PLK4: variants seen among roughly 807,000 people sequenced by gnomAD.
PLK4 encodes serine/threonine-protein kinase PLK4.
In PLK4, 51 loss-of-function variants were observed where a neutral mutation model predicts 103.0. The ratio of observed to expected loss-of-function variants is 0.50; its 90% CI spans 0.40 to 0.63. PLK4 has a LOEUF of 0.63. Ranked by LOEUF, PLK4 falls within the 20% of genes least tolerant of loss-of-function variation. The probability of loss-of-function intolerance (pLI) is 0.00; values close to 1 mark genes in which losing one functional copy is unlikely to be tolerated. For synonymous variants in PLK4, 389 were observed against 376.8 expected (o/e 1.03, Z -0.38); for missense variants, 1,054 against 1,151.0 (o/e 0.92, Z 1.22).
At position 127,883,374 on chromosome 4, in the gene PLK4, G is replaced by T. The variant is rs1041105333; in HGVS notation, c.222+17G>T. The T allele has an allele frequency of 2.7e-6, 4 of 1,492,350 alleles. No homozygotes were observed. Among genetic ancestry groups the T allele is most frequent in the Non-Finnish European group, 3.7e-6 (4 of 1,074,196 alleles). The allele number at this position is 1,492,350 out of a possible 1,614,324, so 92.4% of individuals were successfully genotyped here. A position where few individuals can be genotyped will look rare whatever the true frequency, so the allele number is the denominator to read the frequency against. ...ATCTTGGAGGTAAGATATAAATTTT[G>T]TAGAAGTGACCAAGGACACTGAATT... is the stretch of plus-strand genomic sequence containing the variant. On this transcript the variant is annotated intron_variant, in intron 3 of 15. Transcript: ENST00000270861.
intron 7 of PLK4, 53 bp downstream of exon 7, chr4:127,890,289 A>G (rs1578761251): frequency 1.4e-6 from 2 of 1,412,776 alleles, no homozygotes; most frequent in South Asian, 2.8e-5. Context: ...TGAGAATACA[A>G]TTCTTGAGAA....
intron 15 of PLK4, among the ~76,000 whole-genome samples, chr4:127,897,829 T>G (rs1170501241): frequency 5.1e-5 from 4 of 78,546 alleles, no homozygotes; most frequent in Non-Finnish European, 9.9e-5. Flanking sequence ...TAGGGCTTTT[T>G]TTTTTTTTTT....
rs372104069 is a variant in PLK4 at position 127,891,180 on chromosome 4, C to G, written c.1919C>G (p.Ser640Cys). 57 of 1,537,212 alleles carry G rather than the reference C, an allele frequency of 3.7e-5. No homozygotes were observed. Among genetic ancestry groups the G allele is most frequent in the Middle Eastern group, 3.4e-4 (2 of 5,918 alleles). The change falls in exon 8 of 16, where the codon TCT becomes TGT. Residue 640 changes from serine (S) to cysteine (C), a missense_variant. Physicochemically the swap from Ser to Cys is moderately radical, Grantham distance 112 (BLOSUM62 -1). This residue lies in a region of PLK4 where 680 missense variants were observed against 660.3 expected (regional missense o/e 1.03). Coordinates refer to ENST00000270861, the MANE Select transcript of PLK4 (RefSeq NM_014264.5). ...QEYVKEVLQI[S>C]SDGNTITIYY... Reference sequence around the variant, plus strand: ...TATGTGAAAGAAGTTCTTCAGATATCTAGTGATGGAAATACGGTAATGTGT... The same window carrying G: ...TATGTGAAAGAAGTTCTTCAGATATGTAGTGATGGAAATACGGTAATGTGT...
chr4:127,890,146 G>C lies in PLK4; in HGVS notation c.1740G>C (p.Trp580Cys), dbSNP rs1339157851. The part of the protein sequence containing the change: ...QSKTRGMEPP[W>C]GYQNRTLRSI... ...AGACTAGGGGTATGGAGCCACCATG[G>C]GGTTATCAGAATCGTACATTAAGAA... Residue 580 changes from tryptophan to cysteine, a missense_variant, in exon 7 of 16, where the codon TGG becomes TGC. Transcript: ENST00000270861. 6.2e-7 allele frequency: 1 copy of C among 1,613,752 alleles called. No homozygotes were observed. Among genetic ancestry groups the C allele is most frequent in the Non-Finnish European group, 8.5e-7 (1 of 1,179,798 alleles).
chr4:127,889,531 T>C (rs1435327556), intron 6 of PLK4, among the ~76,000 whole-genome samples: 1 of 152,194 alleles, frequency 6.6e-6, no homozygotes, highest in Non-Finnish European at 1.5e-5. Context: ...TCTGCTTTTG[T>C]TGGCACATTG....
chr4:127,898,062 A>T lies in PLK4; in HGVS notation c.2811-377A>T, dbSNP rs141827178. 9.2e-3 allele frequency among the ~76,000 whole-genome samples: 1,386 copies of T among 151,382 alleles called. 23 individuals carry two copies. The highest frequency in any genetic ancestry group is 0.032 in the African/African-American group (1,313 of 41,286). On this transcript the variant is annotated intron_variant, in intron 15 of 15. Transcript: ENST00000270861. ...CATATTGGCCAGGCTGGTCTCAAAC[A>T]CCTGACCTCGTAATCCACCCCCCTT...
chr4:127,886,160 T>A lies in PLK4; in HGVS notation c.790T>A (p.Phe264Ile). 6.2e-7 allele frequency: 1 copy of A among 1,614,100 alleles called. No individual in the cohort carries two copies. Among genetic ancestry groups the A allele is most frequent in the Non-Finnish European group, 8.5e-7 (1 of 1,179,958 alleles). The part of the protein sequence containing the change: ...LSLSSVLDHP[F>I]MSRNSSTKSK... ...TCTGTCTTCAGTATTGGACCATCCT[T>A]TTATGTCCCGAAATTCTTCAACAAA... The change falls in exon 5 of 16, where the codon TTT (phenylalanine) becomes ATT (isoleucine). Residue 264 changes from phenylalanine (F) to isoleucine (I), a missense_variant. Phe to Ile is a conservative substitution (Grantham distance 21). Coordinates refer to ENST00000270861, the MANE Select transcript of PLK4 (RefSeq NM_014264.5).
In PLK4 at chr4:127,895,096, G is replaced by A; in HGVS notation, c.2703+3G>A. 6.2e-7 allele frequency: 1 copy of A among 1,605,050 alleles called. No individual in the cohort carries two copies. Among genetic ancestry groups the A allele is most frequent in the Non-Finnish European group, 8.5e-7 (1 of 1,175,836 alleles). ...AAAATGTTGGTTGGGCTACACAGGTGAGAAGTTTCTAGTACAGTGCATTTT... is the reference window on the plus strand; with the variant it reads ...AAAATGTTGGTTGGGCTACACAGGTAAGAAGTTTCTAGTACAGTGCATTTT... On this transcript the variant is annotated splice_donor_region_variant and intron_variant, in intron 14 of 15. Transcript: ENST00000270861.
At chr4:127,889,753 G>T in intron 6 of PLK4, 113 bp from the exon 7 acceptor site, 1 of 743,766 alleles carries the variant, frequency 1.3e-6, no homozygotes, top group Non-Finnish European at 2.1e-6. Flanking sequence ...TTTGTTTTTT[G>T]TAACTAGAAT....
rs1213637343 is a variant in PLK4 at position 127,887,418 on chromosome 4, A to G, written c.1381A>G (p.Lys461Glu). The G allele has an allele frequency of 6.2e-7, 1 of 1,610,298 alleles. No homozygotes were observed. Among genetic ancestry groups the G allele is most frequent in the African/African-American group, 1.3e-5 (1 of 74,928 alleles). The change falls in exon 6 of 16, where the codon AAA becomes GAA. Residue 461 changes from lysine (K) to glutamate (E), a missense_variant. Physicochemically the swap from Lys to Glu is moderately conservative, Grantham distance 56 (BLOSUM62 1). This residue lies in a region of PLK4 where 680 missense variants were observed against 660.3 expected (regional missense o/e 1.03). Transcript: ENST00000270861. ...QALSNHLCPGKTPFPFADPTP... is the reference protein window; with the variant it reads ...QALSNHLCPGETPFPFADPTP... ...TAGCTCCAATCATCTTTGTCCAGGA[A>G]AAACTCCTTTTCCATTTGCAGACCC...
In PLK4 at chr4:127,888,864, C is replaced by T. The variant is rs564191965; in HGVS notation, c.1460-1002C>T. Among the ~76,000 whole-genome samples, 3 of 152,016 alleles carry T rather than the reference C, an allele frequency of 2.0e-5. No individual in the cohort carries two copies. In the East Asian group the frequency reaches 5.8e-4, roughly 29 times the overall value. On this transcript the variant is annotated intron_variant, in intron 6 of 15. Coordinates refer to ENST00000270861, the MANE Select transcript of PLK4 (RefSeq NM_014264.5). ...CAGAGAGTTGTATGTTATCTTGAGT[C>T]TATTCTCTTTTTTTAATGTATATTA...
At chr4:127,881,481 G>A in intron 1 of PLK4, 3 of 1,049,256 alleles carry the variant, frequency 2.9e-6, no homozygotes, top group East Asian at 3.0e-5. Context: ...CTTCTCCAAG[G>A]GGATGGCGGT....
chr4:127,893,894 A>G lies in PLK4; in HGVS notation c.2562+13A>G, dbSNP rs772264860. On this transcript the variant is annotated intron_variant, in intron 13 of 15. Transcript: ENST00000270861. ...CCTTAATCCCTCTGTAAGTAAATAT[A>G]TGTCACTTCTGTACTTTAAACCTTT... 1.1e-5 allele frequency: 14 copies of G among 1,308,800 alleles called. No homozygotes were observed. The African/African-American group carries it at 1.3e-4, about 12-fold the overall frequency. 81.1% of individuals were successfully genotyped at this position (1,308,800 alleles called of 1,614,324 possible). A position where few individuals can be genotyped will look rare whatever the true frequency, so the allele number is the denominator to read the frequency against.
At chr4:127,884,560 T>C (rs1429028913) in intron 4 of PLK4, among the ~76,000 whole-genome samples, 1 of 152,202 alleles carries the variant, frequency 6.6e-6, no homozygotes, top group Non-Finnish European at 1.5e-5. Flanking sequence ...TCCCAGCACC[T>C]TGGGGGGCTG....
Position 127,896,893 on chromosome 4 carries a change from T to G in PLK4, c.2796T>G (p.Asn932Lys). 2.5e-6 allele frequency: 4 copies of G among 1,591,390 alleles called. No homozygotes were observed. Among genetic ancestry groups the G allele is most frequent in the Non-Finnish European group, 2.6e-6 (3 of 1,160,180 alleles). Residue 932 changes from asparagine to lysine, a missense_variant, in exon 15 of 16, where the codon AAT (asparagine) becomes AAG (lysine). Physicochemically the swap from Asn to Lys is moderately conservative, Grantham distance 94. This residue lies in a region of PLK4 where 167 missense variants were observed against 200.7 expected (regional missense o/e 0.83). Transcript: ENST00000270861. The stretch of plus-strand genomic sequence containing the variant: ...CTTCTATCAGTTATACCTCACCAAA[T>G]GGTCAAACAACTAGGTAAGTTCTTA... ...GVSSISYTSP[N>K]GQTTRYGENE...
At position 127,886,306 on chromosome 4, in the gene PLK4, T is replaced by C. The variant is rs967565323; in HGVS notation, c.936T>C (p.Leu312=). 2.5e-6 allele frequency: 4 copies of C among 1,614,024 alleles called. No individual in the cohort carries two copies. Among genetic ancestry groups the C allele is most frequent in the Non-Finnish European group, 2.5e-6 (3 of 1,179,980 alleles). ...GTAGTTTATTTGACAAAAGAAGACT[T>C]TTGATTGGTCAGCCACTCCCAAATA... The part of the protein sequence containing the change: ...ISGSLFDKRR[L]LIGQPLPNKM... Residue 312 remains leucine, a synonymous_variant, in exon 5 of 16, where the codon CTT becomes CTC. Coordinates refer to ENST00000270861, the MANE Select transcript of PLK4 (RefSeq NM_014264.5).
At chr4:127,898,233 A>G (rs750258151) in intron 15 of PLK4, among the ~76,000 whole-genome samples, 3 of 152,296 alleles carry the variant, frequency 2.0e-5, no homozygotes, top group East Asian at 3.9e-4. Flanking sequence ...TGTTACTTAA[A>G]TGTGTTTAGA....
Position 127,889,855 on chromosome 4 carries a change from GT to G in PLK4, c.1460-10del. 6.4e-7 allele frequency: 1 copy of G among 1,561,764 alleles called. No individual in the cohort carries two copies. Among genetic ancestry groups the G allele is most frequent in the Non-Finnish European group, 8.7e-7 (1 of 1,154,380 alleles). On this transcript the variant is annotated splice_polypyrimidine_tract_variant and intron_variant, in intron 6 of 15. Transcript: ENST00000270861. ...TATTTACTAAATTGCTTCATTCTAT[GT>G]ATATTGTAGCTCATTTAAGAAAAAC...
chr4:127,889,951 A>G lies in PLK4; in HGVS notation c.1545A>G (p.Ser515=). 6.2e-7 allele frequency: 1 copy of G among 1,614,002 alleles called. No individual in the cohort carries two copies. ...ATCCAGATTTGCAGAAGGACACATC[A>G]AAAAATGCCTGGACTGATACAAAAG... The part of the protein sequence containing the change: ...QGHPDLQKDT[S]KNAWTDTKVK... The change falls in exon 7 of 16, where the codon TCA becomes TCG. Residue 515 remains serine (S), a synonymous_variant. Coordinates refer to ENST00000270861, the MANE Select transcript of PLK4 (RefSeq NM_014264.5).
Sources: allele counts gnomAD v4.1 joint callset (sites outside exome capture counted in the v4.1 genomes callset), GRCh38; gene constraint gnomAD v4.1.1; regional missense constraint gnomAD v4.1.1; transcripts MANE v1.5; gene names NCBI Gene and HGNC (gene_info 2026-07-23, HGNC 2026-07-21).